RGS7: variants seen among roughly 807,000 people sequenced by gnomAD.
RGS7 encodes the protein regulator of G protein signaling 7.
A neutral mutation model predicts 81.1 loss-of-function variants in RGS7; 27 were observed. The ratio of observed to expected loss-of-function variants is 0.33; its 90% CI spans 0.25 to 0.46. The LOEUF is 0.46. Among genes scored for constraint, RGS7 ranks in the 20% least tolerant of loss-of-function variants. RGS7 has a pLI of 1.00. For missense variants in RGS7, 396 were observed against 607.4 expected (o/e 0.65, Z 3.66); for synonymous variants, 208 against 207.7 (o/e 1.00, Z -0.01).
chr1:241,122,288 A>T (rs771338366), intron 2 of RGS7, among the ~76,000 whole-genome samples: 1 of 152,186 alleles, frequency 6.6e-6, no homozygotes, highest in Non-Finnish European at 1.5e-5. Flanking sequence ...CTGGATGCCT[A>T]GTGTGTACCA....
intron 1 of RGS7, among the ~76,000 whole-genome samples, chr1:241,356,597 C>A (rs1266555486): frequency 2.6e-5 from 4 of 152,160 alleles, no homozygotes; most frequent in African/African-American, 4.8e-5. Flanking sequence ...CCAGAGCAAC[C>A]AGCCAAAGAG....
At chr1:241,353,189 T>C (rs1337468379) in intron 2 of RGS7, among the ~76,000 whole-genome samples, 2 of 152,214 alleles carry the variant, frequency 1.3e-5, no homozygotes, top group Non-Finnish European at 1.5e-5. Flanking sequence ...TGTAATCTAG[T>C]GTTTATTCCT....
Position 241,144,926 on chromosome 1 carries a change from G to GGTGTGTGTGTGTGTGTGTGTGTGTGTGT in RGS7, c.79-46192_79-46165dup, listed in dbSNP as rs58610723. Among the ~76,000 whole-genome samples the GGTGTGTGTGTGTGTGTGTGTGTGTGTGT allele has an allele frequency of 2.9e-3, 417 of 141,926 alleles. 8 individuals are homozygous for GGTGTGTGTGTGTGTGTGTGTGTGTGTGT. Among genetic ancestry groups the GGTGTGTGTGTGTGTGTGTGTGTGTGTGT allele is most frequent in the African/African-American group, 0.01 (385 of 37,382 alleles). The allele number at this position is 141,926 out of a possible 152,430, so 93.1% of individuals were successfully genotyped here. On this transcript the variant is annotated intron_variant, in intron 2 of 18. Coordinates refer to ENST00000440928, the MANE Select transcript of RGS7 (RefSeq NM_001364886.1). The surrounding 1 kb of genome is among the most constrained non-coding windows in gnomAD (Gnocchi z 4.7). ...TCAGTATGTGTTGGCAGGGCAGGAT[G>GGTGTGTGTGTGTGTGTGTGTGTGTGTGT]GTGTGTGTGTGTGTGTGTGTGTGTG...
At chr1:241,072,100 T>C (rs1218036512) in intron 3 of RGS7, among the ~76,000 whole-genome samples, 6 of 152,142 alleles carry the variant, frequency 3.9e-5, no homozygotes, top group East Asian at 1.9e-4. Flanking sequence ...AACTGGTACA[T>C]ATACCTTGAA....
intron 2 of RGS7, among the ~76,000 whole-genome samples, chr1:241,235,143 A>C (rs896326283): frequency 6.6e-6 from 1 of 152,218 alleles, no homozygotes; most frequent in Non-Finnish European, 1.5e-5. Flanking sequence ...AATAGATCTC[A>C]CAAAATCATA....
At chr1:241,139,485 T>C (rs543863273) in intron 2 of RGS7, among the ~76,000 whole-genome samples, 2 of 152,350 alleles carry the variant, frequency 1.3e-5, no homozygotes, top group East Asian at 1.9e-4. Flanking sequence ...GATAGAAATA[T>C]GTTTTTATTT....
intron 2 of RGS7, among the ~76,000 whole-genome samples, chr1:241,329,418 A>G (rs566424495): frequency 6.6e-6 from 1 of 152,300 alleles, no homozygotes; most frequent in South Asian, 2.1e-4. Context: ...TAAAATTTCC[A>G]AATGCTTTAG....
chr1:241,207,037 G>C (rs529654830), intron 2 of RGS7, among the ~76,000 whole-genome samples: 14 of 130,938 alleles, frequency 1.1e-4, no homozygotes, highest in South Asian at 2.7e-4. Context: ...GGTGCGATCT[G>C]GGCTCCCTGC....
intron 9 of RGS7, among the ~76,000 whole-genome samples, chr1:240,858,679 C>T (rs1484911055): frequency 6.6e-6 from 1 of 152,166 alleles, no homozygotes; most frequent in Non-Finnish European, 1.5e-5. Flanking sequence ...ATTCTCATAA[C>T]ATCTTTTATA....
At chr1:240,957,234 T>G (rs941383605) in intron 4 of RGS7, among the ~76,000 whole-genome samples, 2 of 152,190 alleles carry the variant, frequency 1.3e-5, no homozygotes, top group Non-Finnish European at 2.9e-5. Flanking sequence ...TCTCCCACGC[T>G]GGATGCTTCC....
At chr1:240,786,696 C>A (rs79575015) in intron 18 of RGS7, among the ~76,000 whole-genome samples, 3 of 152,068 alleles carry the variant, frequency 2.0e-5, no homozygotes, top group Non-Finnish European at 2.9e-5. Flanking sequence ...CCCTGCTCTG[C>A]AAGGAACAAT....
At chr1:241,173,182 G>A (rs1052394919) in intron 2 of RGS7, among the ~76,000 whole-genome samples, 3 of 152,140 alleles carry the variant, frequency 2.0e-5, no homozygotes, top group African/African-American at 7.2e-5. Context: ...CAAGGTGAAG[G>A]TCTAGGATCT....
intron 2 of RGS7, among the ~76,000 whole-genome samples, chr1:241,302,810 G>A (rs759070680): frequency 3.3e-5 from 5 of 152,220 alleles, no homozygotes; most frequent in South Asian, 4.2e-4. Flanking sequence ...ATCTTCTGAC[G>A]TCATGTCTTT....
chr1:241,046,415 TTA>T lies in RGS7; in HGVS notation c.175+52249_175+52250del, dbSNP rs200211087. Among the ~76,000 whole-genome samples, 79 of 152,098 alleles carry T rather than the reference TTA, an allele frequency of 5.2e-4. 1 individual carries two copies. In the East Asian group the frequency reaches 0.011, roughly 20 times the overall value. On this transcript the variant is annotated intron_variant, in intron 3 of 18. Transcript: ENST00000440928. ...AAAACCAAATACTACATGTTCTCAC[TTA>T]TAACTGAGTAGAGCCATTGATCCTC...
intron 3 of RGS7, among the ~76,000 whole-genome samples, chr1:241,081,813 G>C (rs770377593): frequency 1.3e-5 from 2 of 152,208 alleles, no homozygotes; most frequent in Non-Finnish European, 2.9e-5. Flanking sequence ...GTTGAGTACA[G>C]TTTACAATCT....
At chr1:241,244,804 T>C (rs1024223957) in intron 2 of RGS7, among the ~76,000 whole-genome samples, 21 of 151,940 alleles carry the variant, frequency 1.4e-4, no homozygotes, top group African/African-American at 2.9e-4. Context: ...ATGTCCTTTG[T>C]AGGGACATGG....
At chr1:241,010,063 T>C (rs1358457501) in intron 3 of RGS7, among the ~76,000 whole-genome samples, 1 of 152,116 alleles carries the variant, frequency 6.6e-6, no homozygotes, top group African/African-American at 2.4e-5. Context: ...AGGGATGGCA[T>C]TAGGAGAAAC....
intron 2 of RGS7, among the ~76,000 whole-genome samples, chr1:241,184,163 G>A (rs1259702302): frequency 6.6e-6 from 1 of 152,106 alleles, no homozygotes; most frequent in African/African-American, 2.4e-5. Flanking sequence ...ATTGCACTCA[G>A]TGATAATAAA....
intron 9 of RGS7, among the ~76,000 whole-genome samples, chr1:240,844,932 T>C (rs776304623): frequency 2.0e-5 from 3 of 152,230 alleles, no homozygotes; most frequent in Non-Finnish European, 2.9e-5. Flanking sequence ...ACAGTTCCTA[T>C]TGATTTCAAC....
Sources: allele counts gnomAD v4.1 joint callset (sites outside exome capture counted in the v4.1 genomes callset), GRCh38; gene constraint gnomAD v4.1.1; non-coding constraint Gnocchi (gnomAD v3.1); transcripts MANE v1.5; gene names NCBI Gene and HGNC (gene_info 2026-07-23, HGNC 2026-07-21).